The following UBXN2B variants were observed in gnomAD, a reference collection of about 807,000 sequenced individuals.
UBXN2B encodes the protein UBX domain protein 2B.
In UBXN2B, 19 loss-of-function variants were observed where a neutral mutation model predicts 37.5. That is an observed-to-expected ratio of 0.51 (90% confidence interval 0.35 to 0.74). The LOEUF (loss-of-function observed/expected upper bound fraction) is 0.74, where lower values mean the gene tolerates loss of function less well. Ranked by LOEUF, UBXN2B falls within the 30% of genes least tolerant of loss-of-function variation. The pLI, the probability that UBXN2B is intolerant of heterozygous loss-of-function variation, is 0.01. For missense variants in UBXN2B, 370 were observed against 393.2 expected, an observed-to-expected ratio of 0.94 and a Z score of 0.50; for synonymous variants, 145 against 143.8, an observed-to-expected ratio of 1.01 and a Z score of -0.06.
intron 2 of UBXN2B, among the ~76,000 whole-genome samples, chr8:58,423,095 A>G (rs1479354165): frequency 2.0e-5 from 3 of 150,968 alleles, no homozygotes; most frequent in African/African-American, 4.9e-5. Context: ...CATCATCATC[A>G]TCATCATCAT....
Position 58,439,693 on chromosome 8 carries a change from G to A in UBXN2B, c.594G>A (p.Glu198=). Residue 198 remains glutamate, a synonymous_variant, in exon 6 of 8, where the codon GAG becomes GAA. Transcript: ENST00000399598. ...VHGGQVNLDM[E]DHQDQEYIKP... ...GTGGCCAAGTGAATTTGGATATGGAGGATCATCAGGATCAAGAATACATAA... is the reference window on the plus strand; with the variant it reads ...GTGGCCAAGTGAATTTGGATATGGAAGATCATCAGGATCAAGAATACATAA... 6.2e-7 allele frequency: 1 copy of A among 1,612,618 alleles called. No homozygotes were observed. The highest frequency in any genetic ancestry group is 1.3e-5 in the African/African-American group (1 of 74,940).
At chr8:58,411,790 T>C (rs959978354) in intron 1 of UBXN2B, among the ~76,000 whole-genome samples, 2 of 152,180 alleles carry the variant, frequency 1.3e-5, no homozygotes, top group African/African-American at 4.8e-5. Context: ...TGAGACTTAC[T>C]CCAGAAGAAA....
intron 5 of UBXN2B, among the ~76,000 whole-genome samples, chr8:58,437,980 G>T (rs1441329826): frequency 1.4e-5 from 2 of 142,026 alleles, no homozygotes; most frequent in Non-Finnish European, 3.1e-5. Flanking sequence ...CACAGGCCCA[G>T]AGTCCTAGGA....
intron 6 of UBXN2B, among the ~76,000 whole-genome samples, chr8:58,441,364 T>TATATATATATATATATATATATATATAG (rs1349999816): frequency 6.8e-6 from 1 of 147,714 alleles, no homozygotes; most frequent in Non-Finnish European, 1.5e-5. Context: ...TATATATATA[T>TATATATATATATATATATATATATATAG]ATATGTATGT....
chr8:58,411,493 G>A lies in UBXN2B; in HGVS notation c.84+24G>A, dbSNP rs1028815458. 3 of 1,248,238 alleles carry A rather than the reference G, an allele frequency of 2.4e-6. No homozygotes were observed. In the Admixed American group the frequency reaches 1.3e-4, roughly 53 times the overall value. 77.3% of individuals were successfully genotyped at this position (1,248,238 alleles called of 1,614,324 possible). A position where few individuals can be genotyped will look rare whatever the true frequency, so the allele number is the denominator to read the frequency against. On this transcript the variant is annotated intron_variant, in intron 1 of 7. Transcript: ENST00000399598. ...AGGTGAGGCGAGGAGCCGGGGGAGGGAGCGCGGCGGTGGACGCGGGCTGGT... is the reference window on the plus strand; with the variant it reads ...AGGTGAGGCGAGGAGCCGGGGGAGGAAGCGCGGCGGTGGACGCGGGCTGGT...
At position 58,439,626 on chromosome 8, in the gene UBXN2B, T is replaced by A; in HGVS notation, c.534-7T>A. The A allele has an allele frequency of 6.3e-7, 1 of 1,588,568 alleles. No homozygotes were observed. Among genetic ancestry groups the A allele is most frequent in the Non-Finnish European group, 8.5e-7 (1 of 1,173,380 alleles). On this transcript the variant is annotated splice_region_variant and splice_polypyrimidine_tract_variant and intron_variant, in intron 5 of 7. Transcript: ENST00000399598. ...TAATGATAACTTTTTTCCCCCCTTT[T>A]TAAAAGAGAGATTCCCCTGGAGCTT... is the stretch of plus-strand genomic sequence containing the variant.
chr8:58,414,204 A>AT (rs929325724), intron 1 of UBXN2B, among the ~76,000 whole-genome samples: 1 of 152,176 alleles, frequency 6.6e-6, no homozygotes, highest in African/African-American at 2.4e-5. Flanking sequence ...TGTATCGTTG[A>AT]TTCTCTAGTA....
At chr8:58,444,139 G>A (rs1328682313) in intron 6 of UBXN2B, among the ~76,000 whole-genome samples, 2 of 152,156 alleles carry the variant, frequency 1.3e-5, no homozygotes, top group Non-Finnish European at 2.9e-5. Context: ...GAAAGCAGTA[G>A]ATTACAAAAA....
At chr8:58,442,293 A>G (rs993409928) in intron 6 of UBXN2B, among the ~76,000 whole-genome samples, 1 of 152,222 alleles carries the variant, frequency 6.6e-6, no homozygotes, top group Non-Finnish European at 1.5e-5. Context: ...TGAATAAGCA[A>G]ATATCATATA....
At chr8:58,426,126 A>G (rs2129604010) in intron 2 of UBXN2B, 1 of 1,253,528 alleles carries the variant, frequency 8.0e-7, no homozygotes, top group East Asian at 2.3e-5. Context: ...TGTTCTGTGT[A>G]ATGCCGGACC....
At chr8:58,434,262 C>G (rs1249108331) in intron 4 of UBXN2B, 133 bp from the exon 5 acceptor site, 1 of 251,080 alleles carries the variant, frequency 4.0e-6, no homozygotes, top group Non-Finnish European at 7.6e-6. Flanking sequence ...AAATAACTCC[C>G]TATTTTAAAT....
At chr8:58,411,546 GC>G in intron 1 of UBXN2B, 77 bp downstream of exon 1, 1 of 1,130,664 alleles carries the variant, frequency 8.8e-7, no homozygotes, top group Non-Finnish European at 1.1e-6. Flanking sequence ...CGAGTTGGAG[GC>G]CACCTCTGGC....
intron 2 of UBXN2B, among the ~76,000 whole-genome samples, chr8:58,430,019 C>T (rs1808203131): frequency 6.6e-6 from 1 of 152,112 alleles, no homozygotes; most frequent in Non-Finnish European, 1.5e-5. Context: ...GGGAGTAGGT[C>T]TCTTAAATCC....
chr8:58,435,206 GTATATAACCAGAGTTA>G, intron 5 of UBXN2B: 1 of 1,163,954 alleles, frequency 8.6e-7, no homozygotes, highest in African/African-American at 1.6e-5. Context: ...GAGTTTTACT[GTATATAACCAGAGTTA>G]TATATACAGG....
intron 2 of UBXN2B, chr8:58,425,376 G>A (rs111661561): frequency 1.8e-6 from 2 of 1,129,190 alleles, no homozygotes; most frequent in Non-Finnish European, 2.7e-6. Flanking sequence ...TTTGCAGGCA[G>A]CCTTGTGTGG....
Position 58,426,500 on chromosome 8 carries a change from G to A in UBXN2B, c.189-4019G>A, listed in dbSNP as rs143381624. On this transcript the variant is annotated intron_variant, in intron 2 of 7. Coordinates refer to ENST00000399598, the MANE Select transcript of UBXN2B (RefSeq NM_001077619.2). The stretch of plus-strand genomic sequence containing the variant: ...TGGGATTACAGGTGTGAACCACCGT[G>A]ACCGGCCCAGTGTTCTGAATCTTGA... 754 of 719,220 alleles carry A rather than the reference G, an allele frequency of 1.0e-3. 6 individuals are homozygous for A. In the African/African-American group the frequency reaches 0.011, roughly 11 times the overall value. The allele number at this position is 719,220 out of a possible 1,614,324, so 44.6% of individuals were successfully genotyped here.
At chr8:58,435,204 C>T in intron 5 of UBXN2B, 1 of 1,178,052 alleles carries the variant, frequency 8.5e-7, no homozygotes, top group Non-Finnish European at 1.1e-6. Flanking sequence ...CAGAGTTTTA[C>T]TGTATATAAC....
At position 58,428,022 on chromosome 8, in the gene UBXN2B, G is replaced by C. The variant is rs919246876; in HGVS notation, c.189-2497G>C. 3.3e-5 allele frequency among the ~76,000 whole-genome samples: 5 copies of C among 152,282 alleles called. No homozygotes were observed. The South Asian group carries it at 6.2e-4, about 19-fold the overall frequency. ...TATGAAACAGCGAAAGGGAGAAGAA[G>C]GATAGGCTCAAAAGGATCAAATGTT... On this transcript the variant is annotated intron_variant, in intron 2 of 7. Coordinates refer to ENST00000399598, the MANE Select transcript of UBXN2B (RefSeq NM_001077619.2).
At chr8:58,417,549 G>T (rs1446302975) in intron 2 of UBXN2B, among the ~76,000 whole-genome samples, 1 of 152,158 alleles carries the variant, frequency 6.6e-6, no homozygotes, top group African/African-American at 2.4e-5. Context: ...CAACTGTGAA[G>T]ACTTAAGAGA....
Sources: allele counts gnomAD v4.1 joint callset (sites outside exome capture counted in the v4.1 genomes callset), GRCh38; gene constraint gnomAD v4.1.1; transcripts MANE v1.5; gene names NCBI Gene and HGNC (gene_info 2026-07-23, HGNC 2026-07-21).